MN1: variants seen among roughly 807,000 people sequenced by gnomAD.
The protein encoded by MN1 is MN1 proto-oncogene, transcriptional regulator, also known as transcriptional activator MN1.
A neutral mutation model predicts 86.9 loss-of-function variants in MN1; 19 were observed. The observed-to-expected ratio is 0.22, with a 90% confidence interval of 0.15 to 0.32. The LOEUF is 0.32. MN1 is among the 10% of genes least tolerant of loss of function. The pLI, the probability that MN1 is intolerant of heterozygous loss-of-function variation, is 1.00. For synonymous variants in MN1, 928 were observed against 849.6 expected (o/e 1.09, Z -1.60); for missense variants, 1,841 against 1,862.0 (o/e 0.99, Z 0.21).
chr22:27,772,880 C>T (rs1326130013), intron 1 of MN1, among the ~76,000 whole-genome samples: 1 of 150,848 alleles, frequency 6.6e-6, no homozygotes, highest in Non-Finnish European at 1.5e-5. Context: ...TCATCATCAT[C>T]ATCATAATCA....
chr22:27,784,144 G>A (rs937662643), intron 1 of MN1, among the ~76,000 whole-genome samples: 11 of 152,198 alleles, frequency 7.2e-5, no homozygotes, highest in Non-Finnish European at 1.2e-4. Context: ...AGCAGGACTG[G>A]GGACCCTGGA....
chr22:27,786,999 C>T (rs539264039), intron 1 of MN1, among the ~76,000 whole-genome samples: 2 of 152,300 alleles, frequency 1.3e-5, no homozygotes, highest in African/African-American at 2.4e-5. Context: ...ATTACAAATT[C>T]GGCAAAAATT....
intron 1 of MN1, among the ~76,000 whole-genome samples, chr22:27,782,285 C>T (rs1328896542): frequency 1.3e-5 from 2 of 152,158 alleles, no homozygotes; most frequent in African/African-American, 2.4e-5. Flanking sequence ...AATAGTGAGG[C>T]CTGAAATTGC....
At chr22:27,761,656 G>A (rs1304914143) in intron 1 of MN1, among the ~76,000 whole-genome samples, 1 of 152,142 alleles carries the variant, frequency 6.6e-6, no homozygotes, top group East Asian at 1.9e-4. Flanking sequence ...TTCTGCCCTG[G>A]GCACAGAGCC....
At chr22:27,792,336 AT>A (rs1933223975) in intron 1 of MN1, among the ~76,000 whole-genome samples, 4 of 145,466 alleles carry the variant, frequency 2.7e-5, no homozygotes, top group Non-Finnish European at 6.0e-5. Flanking sequence ...ATATATATAT[AT>A]ATATATATAT....
intron 1 of MN1, among the ~76,000 whole-genome samples, chr22:27,771,484 C>A (rs1228320759): frequency 2.0e-5 from 3 of 152,088 alleles, no homozygotes; most frequent in Non-Finnish European, 4.4e-5. Flanking sequence ...ACCTCAGCCT[C>A]CCGAAGTGCT....
At chr22:27,766,105 C>T (rs184145784) in intron 1 of MN1, among the ~76,000 whole-genome samples, 11 of 152,318 alleles carry the variant, frequency 7.2e-5, no homozygotes, top group East Asian at 1.9e-4. Flanking sequence ...CTCTGCCGGA[C>T]GCTGGCTGTG....
intron 1 of MN1, 41 bp from the exon 2 acceptor site, chr22:27,751,137 C>T (rs749120791): frequency 5.1e-5 from 76 of 1,503,776 alleles, no homozygotes; most frequent in Middle Eastern, 4.9e-4. Context: ...GTGGCACACT[C>T]GTCTCTGAGG....
At chr22:27,785,963 G>A (rs1933127609) in intron 1 of MN1, among the ~76,000 whole-genome samples, 1 of 152,202 alleles carries the variant, frequency 6.6e-6, no homozygotes, top group African/African-American at 2.4e-5. Flanking sequence ...CTCTCCAAAT[G>A]CCTGTTTCCT....
chr22:27,770,814 T>C (rs1601329416), intron 1 of MN1, among the ~76,000 whole-genome samples: 2 of 151,674 alleles, frequency 1.3e-5, no homozygotes, highest in South Asian at 2.1e-4. Context: ...TGAGCCACCA[T>C]GCCTGGCTAC....
chr22:27,769,582 TCGC>T, intron 1 of MN1, among the ~76,000 whole-genome samples: 4 of 96,906 alleles, frequency 4.1e-5, no homozygotes, highest in African/African-American at 1.9e-4. Flanking sequence ...AGACAGAGTC[TCGC>T]TCTGTCACCC....
At chr22:27,772,883 C>A (rs890210138) in intron 1 of MN1, among the ~76,000 whole-genome samples, 14 of 122,598 alleles carry the variant, frequency 1.1e-4, no homozygotes, top group Admixed American at 2.6e-4. Flanking sequence ...TCATCATCAT[C>A]ATAATCAAGC....
chr22:27,787,237 C>A (rs1388922561), intron 1 of MN1, among the ~76,000 whole-genome samples: 6 of 152,226 alleles, frequency 3.9e-5, no homozygotes, highest in African/African-American at 1.4e-4. Flanking sequence ...GCATAAGGAT[C>A]GTGAAATTGC....
intron 1 of MN1, among the ~76,000 whole-genome samples, chr22:27,792,810 C>T (rs1412478738): frequency 1.3e-5 from 2 of 152,130 alleles, no homozygotes; most frequent in Non-Finnish European, 2.9e-5. Context: ...AGCTCTTTGC[C>T]TTCCCCCAAA....
chr22:27,776,314 G>A (rs780932360), intron 1 of MN1, among the ~76,000 whole-genome samples: 20 of 152,208 alleles, frequency 1.3e-4, no homozygotes, highest in Middle Eastern at 6.3e-3. Context: ...TGTAGTTAAA[G>A]CCAAGGCTGA....
intron 1 of MN1, among the ~76,000 whole-genome samples, chr22:27,759,244 GC>G (rs1932819598): frequency 6.6e-6 from 1 of 152,012 alleles, no homozygotes; most frequent in Non-Finnish European, 1.5e-5. Flanking sequence ...CGTCTGCGGG[GC>G]CCCACAACCC....
At chr22:27,795,846 T>C (rs1259835748) in intron 1 of MN1, among the ~76,000 whole-genome samples, 3 of 152,182 alleles carry the variant, frequency 2.0e-5, no homozygotes, top group Non-Finnish European at 4.4e-5. Flanking sequence ...TTAACTGGAA[T>C]GGCAGCCCAT....
chr22:27,769,503 G>A (rs1932896491), intron 1 of MN1, among the ~76,000 whole-genome samples: 1 of 150,084 alleles, frequency 6.7e-6, no homozygotes, highest in African/African-American at 2.5e-5. Context: ...AGTGACTGAG[G>A]ATGAAGTAGA....
intron 1 of MN1, among the ~76,000 whole-genome samples, chr22:27,759,774 C>T (rs1040195360): frequency 2.0e-5 from 3 of 152,250 alleles, no homozygotes; most frequent in African/African-American, 7.2e-5. Flanking sequence ...CTCACATTTT[C>T]ATCTCAGCTC....
Sources: allele counts gnomAD v4.1 joint callset (sites outside exome capture counted in the v4.1 genomes callset), GRCh38; gene constraint gnomAD v4.1.1; transcripts MANE v1.5; gene names NCBI Gene and HGNC (gene_info 2026-07-23, HGNC 2026-07-21).